Variants in PXDNL observed in about 807,000 individuals in gnomAD.
PXDNL encodes the protein peroxidasin like, also known as probable oxidoreductase PXDNL.
Under a neutral mutation model 150.8 loss-of-function variants are expected in PXDNL, and 145 were observed. The observed-to-expected ratio is 0.96, with a 90% CI of 0.84 to 1.10. The LOEUF (loss-of-function observed/expected upper bound fraction) is 1.10, where lower values mean the gene tolerates loss of function less well. Among genes scored for constraint, PXDNL ranks in the 50% least tolerant of loss-of-function variants. The pLI, the probability that PXDNL is intolerant of heterozygous loss-of-function variation, is 0.00. For missense variants in PXDNL, 2,087 were observed against 1,873.9 expected, an observed-to-expected ratio of 1.11 and a Z score of -2.10; for synonymous variants, 757 against 725.7, an observed-to-expected ratio of 1.04 and a Z score of -0.69.
intron 19 of PXDNL, among the ~76,000 whole-genome samples, chr8:51,358,681 G>C (rs974078821): frequency 1.3e-5 from 2 of 152,112 alleles, no homozygotes; most frequent in Non-Finnish European, 2.9e-5. Context: ...GCAGCACGCG[G>C]ACAATGAGCT....
chr8:51,519,429 A>C (rs1209046386), intron 4 of PXDNL, among the ~76,000 whole-genome samples: 1 of 152,030 alleles, frequency 6.6e-6, no homozygotes, highest in Non-Finnish European at 1.5e-5. Context: ...GGTACTTGGG[A>C]GACTGAGACA....
chr8:51,320,752 G>C, intron 22 of PXDNL, 32 bp downstream of exon 22: 1 of 1,319,996 alleles, frequency 7.6e-7, no homozygotes, highest in Non-Finnish European at 1.1e-6. Flanking sequence ...AAGTGAAATG[G>C]GGAGTTGGAC....
chr8:51,742,068 A>C (rs2036913549), intron 1 of PXDNL, among the ~76,000 whole-genome samples: 1 of 152,254 alleles, frequency 6.6e-6, no homozygotes, highest in Admixed American at 6.5e-5. Flanking sequence ...CAACAGCGAA[A>C]GAAATGAGCT....
At chr8:51,415,563 C>T (rs1007163399) in intron 14 of PXDNL, among the ~76,000 whole-genome samples, 1 of 152,156 alleles carries the variant, frequency 6.6e-6, no homozygotes, top group Non-Finnish European at 1.5e-5. Context: ...CCTCCTCCAA[C>T]ACTGGGGATT....
At chr8:51,397,890 T>A (rs1228969976) in intron 17 of PXDNL, among the ~76,000 whole-genome samples, 1 of 152,138 alleles carries the variant, frequency 6.6e-6, no homozygotes, top group Non-Finnish European at 1.5e-5. Context: ...TATCTCCTAA[T>A]GCTATCCCTC....
At position 51,683,626 on chromosome 8, in the gene PXDNL, A is replaced by G. The variant is rs556513754; in HGVS notation, c.165-28866T>C. Reference sequence around the variant, plus strand: ...GTATTCTACACTTAAAATTTTGTTCATAAGTAAGATCCTGGACCAAAGAAG... The same window carrying G: ...GTATTCTACACTTAAAATTTTGTTCGTAAGTAAGATCCTGGACCAAAGAAG... On this transcript the variant is annotated intron_variant, in intron 1 of 22. Transcript: ENST00000356297. 1.4e-3 allele frequency among the ~76,000 whole-genome samples: 219 copies of G among 152,252 alleles called. 1 individual carries two copies. Among genetic ancestry groups the G allele is most frequent in the African/African-American group, 5.1e-3 (211 of 41,548 alleles).
Position 51,546,678 on chromosome 8 carries a change from G to C in PXDNL, c.380+10162C>G, listed in dbSNP as rs138138753. Among the ~76,000 whole-genome samples, 224 of 152,302 alleles carry C rather than the reference G, an allele frequency of 1.5e-3. 1 individual carries two copies. The highest frequency in any genetic ancestry group is 5.1e-3 in the African/African-American group (212 of 41,566). On this transcript the variant is annotated intron_variant, in intron 4 of 22. Coordinates refer to ENST00000356297, the MANE Select transcript of PXDNL (RefSeq NM_144651.5). ...AATGAGCACAGAAGCTCCAGCGGAT[G>C]GTGCAGGCAGGCAGGGAGGGGCGAG... is the stretch of plus-strand genomic sequence containing the variant.
chr8:51,377,143 C>CACAA lies in PXDNL; in HGVS notation c.3558-2413_3558-2412insTTGT, dbSNP rs966278135. Among the ~76,000 whole-genome samples the CACAA allele has an allele frequency of 5.4e-5, 8 of 149,364 alleles. No individual in the cohort carries two copies. In the East Asian group the frequency reaches 7.8e-4, roughly 15 times the overall value. On this transcript the variant is annotated intron_variant, in intron 17 of 22. Transcript: ENST00000356297. ...ACACACACACACACACACACACACA[C>CACAA]AAAGCCAAAGCCATTTCTGGACACT...
At chr8:51,393,763 A>C (rs1005318495) in intron 17 of PXDNL, among the ~76,000 whole-genome samples, 1 of 152,200 alleles carries the variant, frequency 6.6e-6, no homozygotes, top group African/African-American at 2.4e-5. Context: ...GGAGAGTGAA[A>C]AGAAGGGGCC....
At chr8:51,684,472 C>T (rs6473638) in intron 1 of PXDNL, among the ~76,000 whole-genome samples, 122,537 of 152,186 alleles carry the variant, frequency 0.81, 49,429 homozygotes, top group East Asian at 0.86. Flanking sequence ...AGCCCAGAAC[C>T]CAACTCCATT....
intron 17 of PXDNL, among the ~76,000 whole-genome samples, chr8:51,388,678 A>G (rs1348906874): frequency 1.3e-5 from 2 of 151,928 alleles, no homozygotes; most frequent in Non-Finnish European, 2.9e-5. Flanking sequence ...CCTGTTTTCT[A>G]CCTCTTGGAA....
At chr8:51,647,024 T>G (rs1343834031) in intron 2 of PXDNL, among the ~76,000 whole-genome samples, 1 of 152,122 alleles carries the variant, frequency 6.6e-6, no homozygotes, top group Non-Finnish European at 1.5e-5. Context: ...ACAACGTACT[T>G]TTAAGAGAAA....
At chr8:51,384,629 T>C (rs1807646483) in intron 17 of PXDNL, among the ~76,000 whole-genome samples, 1 of 152,092 alleles carries the variant, frequency 6.6e-6, no homozygotes, top group African/African-American at 2.4e-5. Flanking sequence ...GTAACAGAAA[T>C]AGCACAGAAA....
intron 1 of PXDNL, among the ~76,000 whole-genome samples, chr8:51,770,481 C>T (rs1340205750): frequency 1.3e-5 from 2 of 152,166 alleles, no homozygotes; most frequent in African/African-American, 4.8e-5. Context: ...TTTTTTCCTC[C>T]GGTTTTTTGC....
At chr8:51,328,173 A>G (rs555606366) in intron 21 of PXDNL, among the ~76,000 whole-genome samples, 1 of 152,370 alleles carries the variant, frequency 6.6e-6, no homozygotes, top group African/African-American at 2.4e-5. Context: ...CATCTGCACC[A>G]TCAGCTGTCC....
At position 51,447,083 on chromosome 8, in the gene PXDNL, A is replaced by T; in HGVS notation, c.1446T>A (p.Asp482Glu). Residue 482 changes from aspartate to glutamate, a missense_variant, in exon 12 of 23, where the codon GAT becomes GAA. Physicochemically the swap from Asp to Glu is conservative, Grantham distance 45. Coordinates refer to ENST00000356297, the MANE Select transcript of PXDNL (RefSeq NM_144651.5). ...TLRIDRAAQH[D>E]QGQYECQAVS... ...CTGCTTGACATTCATATTGGCCTTG[A>T]TCGTGCTGTGCTGCACGGTCAATTC... 6.2e-7 allele frequency: 1 copy of T among 1,613,980 alleles called. No homozygotes were observed. The highest frequency in any genetic ancestry group is 8.5e-7 in the Non-Finnish European group (1 of 1,179,890).
Position 51,587,903 on chromosome 8 carries a change from C to G in PXDNL, c.308+4724G>C, listed in dbSNP as rs189914043. ...GATAAATAAGGAGAGCATGGCCACCCGACCTCACAGAATCCAGTGGGGAAA... is the reference window on the plus strand; with the variant it reads ...GATAAATAAGGAGAGCATGGCCACCGGACCTCACAGAATCCAGTGGGGAAA... On this transcript the variant is annotated intron_variant, in intron 3 of 22. Transcript: ENST00000356297. Among the ~76,000 whole-genome samples, 596 of 152,200 alleles carry G rather than the reference C, an allele frequency of 3.9e-3. 3 individuals are homozygous for G. Among genetic ancestry groups the G allele is most frequent in the Non-Finnish European group, 6.9e-3 (469 of 67,994 alleles).
intron 2 of PXDNL, among the ~76,000 whole-genome samples, chr8:51,641,397 T>C (rs1814751312): frequency 6.7e-6 from 1 of 150,008 alleles, no homozygotes; most frequent in South Asian, 2.1e-4. Context: ...CAAAAGAAAC[T>C]ACCATCAGAG....
At chr8:51,668,172 C>CTTTTTTTTTTTTTTTT (rs765738861) in intron 1 of PXDNL, among the ~76,000 whole-genome samples, 2 of 26,112 alleles carry the variant, frequency 7.7e-5, no homozygotes, top group Non-Finnish European at 1.3e-4. Flanking sequence ...CCTTCTCGCT[C>CTTTTTTTTTTTTTTTT]TCTCTTTTTT....
Sources: allele counts gnomAD v4.1 joint callset (sites outside exome capture counted in the v4.1 genomes callset), GRCh38; gene constraint gnomAD v4.1.1; transcripts MANE v1.5; gene names NCBI Gene and HGNC (gene_info 2026-07-23, HGNC 2026-07-21).